KRABD3: variants seen among roughly 807,000 people sequenced by gnomAD.
KRABD3 encodes KRAB domain-containing protein 3.
chr7:149,719,940 G>T, the KRABD3 span: 1 of 1,480,160 alleles, frequency 6.8e-7, no homozygotes. This position sits in a 1 kb window ranked among gnomAD's most constrained non-coding sequence, Gnocchi z 5.6. Flanking sequence ...GGCCTGGGCT[G>T]CTATGCAACT....
At chr7:149,722,336 T>C in the KRABD3 span, 7 of 1,546,400 alleles carry the variant, frequency 4.5e-6, no homozygotes, top group Non-Finnish European at 6.1e-6. Context: ...TGGAGAGGGC[T>C]GTCCTCTATG....
chr7:149,733,096 CT>C, the KRABD3 span: 1 of 1,292,780 alleles, frequency 7.7e-7, no homozygotes, highest in Non-Finnish European at 1.1e-6. Flanking sequence ...TTTCTGGAAG[CT>C]GGGCCTTGGA....
At chr7:149,722,865 G>A in the KRABD3 span, 4 of 1,613,692 alleles carry the variant, frequency 2.5e-6, no homozygotes, top group Non-Finnish European at 3.4e-6. Flanking sequence ...GGCACCCCGA[G>A]ACATCCCCAA....
the KRABD3 span, chr7:149,729,618 G>A: frequency 1.0e-6 from 1 of 985,466 alleles, no homozygotes; most frequent in Non-Finnish European, 1.2e-6. Flanking sequence ...CTCCAGTGGA[G>A]AAGCTTCTTG....
the KRABD3 span, chr7:149,720,024 C>T: frequency 6.5e-7 from 1 of 1,548,906 alleles, no homozygotes. Flanking sequence ...CTGAGCTGCT[C>T]CCCCTCTCTG....
the KRABD3 span, chr7:149,725,917 G>C: frequency 6.3e-7 from 1 of 1,596,766 alleles, no homozygotes; most frequent in South Asian, 1.1e-5. Context: ...CTGCCTCTGG[G>C]TCTGCAGAGC....
At chr7:149,718,110 T>G in the KRABD3 span, among the ~76,000 whole-genome samples, 2 of 152,064 alleles carry the variant, frequency 1.3e-5, no homozygotes, top group African/African-American at 4.8e-5. Flanking sequence ...GGACAGTTTT[T>G]AGAATCACTG....
At chr7:149,731,832 C>A in the KRABD3 span, 1 of 1,386,718 alleles carries the variant, frequency 7.2e-7, no homozygotes, top group Non-Finnish European at 1.0e-6. Flanking sequence ...AGAGCCCCAG[C>A]TTGGGGAAAA....
the KRABD3 span, chr7:149,733,821 G>A: frequency 6.2e-7 from 1 of 1,604,008 alleles, no homozygotes; most frequent in South Asian, 1.1e-5. Context: ...CATACCGGGG[G>A]CCACCAGAGC....
the KRABD3 span, chr7:149,728,616 C>T: frequency 1.2e-6 from 2 of 1,613,694 alleles, no homozygotes; most frequent in Non-Finnish European, 1.7e-6. Context: ...CCCTGCTCCT[C>T]AGCAGCAGAC....
At chr7:149,720,658 C>T in the KRABD3 span, among the ~76,000 whole-genome samples, 1 of 152,386 alleles carries the variant, frequency 6.6e-6, no homozygotes, top group Middle Eastern at 3.4e-3. Context: ...TGTCCCTTGG[C>T]CAGAGCGCCT....
At chr7:149,728,642 G>GCAGA in the KRABD3 span, 5 of 1,613,512 alleles carry the variant, frequency 3.1e-6, no homozygotes, top group African/African-American at 6.7e-5. Flanking sequence ...ACCGAGGAGA[G>GCAGA]CAGAGCCCAG....
At chr7:149,728,417 C>T in the KRABD3 span, 58 of 1,308,670 alleles carry the variant, frequency 4.4e-5, 1 homozygote, top group Non-Finnish European at 5.4e-5. Context: ...GTGCCCAGCA[C>T]CCCTGTGACC....
chr7:149,715,407 C>G, the KRABD3 span: 1 of 1,055,528 alleles, frequency 9.5e-7, no homozygotes, highest in Non-Finnish European at 1.2e-6. Flanking sequence ...GGGCTGGGGA[C>G]GTGGAAATGG....
the KRABD3 span, chr7:149,723,645 A>G: frequency 2.2e-6 from 3 of 1,342,666 alleles, no homozygotes; most frequent in Non-Finnish European, 3.1e-6. Context: ...AGTTGGCCCC[A>G]CGCCCTTCTA....
At chr7:149,726,098 G>C in the KRABD3 span, 1 of 1,574,044 alleles carries the variant, frequency 6.4e-7, no homozygotes, top group South Asian at 1.2e-5. Flanking sequence ...TTCATCCTGG[G>C]AGAGGACTCA....
chr7:149,730,313 G>A, the KRABD3 span: 1 of 1,547,906 alleles, frequency 6.5e-7, no homozygotes, highest in Non-Finnish European at 8.7e-7. Context: ...CGAGGCCAGA[G>A]CCTGATCTCT....
the KRABD3 span, chr7:149,724,662 C>A: frequency 6.5e-7 from 1 of 1,536,514 alleles, no homozygotes; most frequent in South Asian, 1.2e-5. Flanking sequence ...GGCCTGGATA[C>A]CTCCTGACCC....
the KRABD3 span, chr7:149,729,064 T>G: frequency 2.3e-5 from 17 of 748,284 alleles, no homozygotes; most frequent in Non-Finnish European, 3.4e-5. Flanking sequence ...GATGGGTGTT[T>G]CCCACACCTG....
Sources: gnomAD v4.1 joint callset for allele counts (sites outside exome capture counted in the v4.1 genomes callset) on GRCh38, gnomAD v4.1.1 for gene constraint, Gnocchi (gnomAD v3.1) non-coding constraint, MANE v1.5 for transcripts, NCBI Gene and HGNC (gene_info 2026-07-23, HGNC 2026-07-21) for gene names.